Variants in GRIN2A observed in about 807,000 individuals in gnomAD.
GRIN2A encodes glutamate receptor ionotropic, NMDA 2A.
GRIN2A carries 22 observed loss-of-function variants against 113.4 expected under a neutral mutation model. That is an observed-to-expected ratio of 0.19 (90% CI 0.14 to 0.28). GRIN2A has a LOEUF of 0.28. Ranked by LOEUF, GRIN2A falls within the 10% of genes least tolerant of loss-of-function variation. GRIN2A has a pLI of 1.00. For missense variants in GRIN2A, 1,502 were observed against 1,887.0 expected (o/e 0.80, Z 3.78); for synonymous variants, 827 against 738.4 (o/e 1.12, Z -1.94).
At chr16:10,154,921 T>C (rs2049657431) in intron 2 of GRIN2A, among the ~76,000 whole-genome samples, 1 of 152,176 alleles carries the variant, frequency 6.6e-6, no homozygotes, top group African/African-American at 2.4e-5. Flanking sequence ...ACAAGTGTTG[T>C]ATAAAAAACA....
At chr16:10,071,885 G>A (rs1402787457) in intron 2 of GRIN2A, among the ~76,000 whole-genome samples, 2 of 152,216 alleles carry the variant, frequency 1.3e-5, no homozygotes, top group Non-Finnish European at 2.9e-5. Context: ...TATAGGTACA[G>A]TACTTTTGTT....
chr16:9,992,265 C>T (rs2046131260), intron 2 of GRIN2A, among the ~76,000 whole-genome samples: 1 of 152,042 alleles, frequency 6.6e-6, no homozygotes, highest in South Asian at 2.1e-4. Context: ...AAGAAGCCTT[C>T]TCAGAGGATA....
In GRIN2A at chr16:9,990,561, GCGCACA is replaced by G. The variant is rs1316144343; in HGVS notation, c.415-52016_415-52011del. Among the ~76,000 whole-genome samples, 1,115 of 128,712 alleles carry G rather than the reference GCGCACA, an allele frequency of 8.7e-3. 16 individuals carry two copies. The highest frequency in any genetic ancestry group is 0.024 in the African/African-American group (866 of 36,094). The allele number at this position is 128,712 out of a possible 152,430, so 84.4% of individuals were successfully genotyped here. On this transcript the variant is annotated intron_variant, in intron 2 of 12. Coordinates refer to ENST00000330684, the MANE Select transcript of GRIN2A (RefSeq NM_001134407.3). ...TCTCTCTACACGCGCGCGCGCGCGC[GCGCACA>G]CACACACACACACACACACACACAC...
rs1596345068 is a variant in GRIN2A at position 9,938,555 on chromosome 16, C to A, written c.415-4G>T. On this transcript the variant is annotated splice_polypyrimidine_tract_variant and splice_region_variant and intron_variant, in intron 2 of 12. Transcript: ENST00000330684. ...GGAAGAAGGTAGACGTCGGATCCTG[C>A]CAGTGAAAAGAAAGTAAAACAGAGG... The A allele has an allele frequency of 1.3e-6, 2 of 1,599,456 alleles. No individual in the cohort carries two copies. The highest frequency in any genetic ancestry group is 1.7e-6 in the Non-Finnish European group (2 of 1,177,908).
intron 3 of GRIN2A, among the ~76,000 whole-genome samples, chr16:9,918,889 TTGGAGCGGCGCGG>T (rs2044305411): frequency 6.6e-6 from 1 of 151,690 alleles, no homozygotes; most frequent in Non-Finnish European, 1.5e-5. Context: ...ATGTCTGAAA[TTGGAGCGGCGCGG>T]TGGCTCATGC....
chr16:9,776,656 T>C (rs1046163504), intron 11 of GRIN2A, among the ~76,000 whole-genome samples: 2 of 152,048 alleles, frequency 1.3e-5, no homozygotes, highest in African/African-American at 4.8e-5. Context: ...CAGACTTCCA[T>C]CTATAGCTGA....
At chr16:10,116,581 G>T (rs188855479) in intron 2 of GRIN2A, among the ~76,000 whole-genome samples, 1 of 152,312 alleles carries the variant, frequency 6.6e-6, no homozygotes, top group East Asian at 1.9e-4. Context: ...GCAAGAAACT[G>T]GGGGGACATG....
intron 2 of GRIN2A, among the ~76,000 whole-genome samples, chr16:10,146,149 G>T (rs991991562): frequency 6.6e-6 from 1 of 151,958 alleles, no homozygotes; most frequent in Non-Finnish European, 1.5e-5. Context: ...ATGGAGTCTC[G>T]CTCTGTCGCC....
At chr16:9,890,373 T>C (rs925560396) in intron 4 of GRIN2A, among the ~76,000 whole-genome samples, 3 of 152,206 alleles carry the variant, frequency 2.0e-5, no homozygotes, top group Admixed American at 2.0e-4. Context: ...GTGACATCTC[T>C]CCTCTCTGAC....
intron 3 of GRIN2A, among the ~76,000 whole-genome samples, chr16:9,927,756 G>T (rs909018949): frequency 1.1e-4 from 17 of 152,122 alleles, no homozygotes; most frequent in African/African-American, 3.6e-4. Context: ...TATGAAACTT[G>T]AAGTTTCCCC....
chr16:9,988,308 T>TGTGTGA (rs1395076166), intron 2 of GRIN2A, among the ~76,000 whole-genome samples: 13 of 150,728 alleles, frequency 8.6e-5, no homozygotes, highest in East Asian at 1.9e-4. Context: ...TGTGTGTGTG[T>TGTGTGA]GACACAGAAA....
intron 3 of GRIN2A, among the ~76,000 whole-genome samples, chr16:9,923,591 T>C (rs1211045689): frequency 6.6e-6 from 1 of 152,120 alleles, no homozygotes; most frequent in African/African-American, 2.4e-5. Flanking sequence ...TTAATGTTAG[T>C]GGTTTGTTTA....
At chr16:9,934,678 TAAAAAAAAAA>T (rs33916243) in intron 3 of GRIN2A, among the ~76,000 whole-genome samples, 3 of 50,942 alleles carry the variant, frequency 5.9e-5, no homozygotes, top group Admixed American at 5.9e-4. Flanking sequence ...AGACTCTGTC[TAAAAAAAAAA>T]AAAAAAAAAA....
At chr16:10,066,685 G>A (rs2047654688) in intron 2 of GRIN2A, among the ~76,000 whole-genome samples, 2 of 152,254 alleles carry the variant, frequency 1.3e-5, no homozygotes, top group African/African-American at 4.8e-5. Flanking sequence ...GCCCCTCCCA[G>A]TGTTTGCTAA....
Position 9,978,951 on chromosome 16 carries a change from G to C in GRIN2A, c.415-40400C>G, listed in dbSNP as rs763809040. ...GACACTTCTAAGACATTAAAAAGTA[G>C]TGCCCACATTTCCGACTCCCACAAC... On this transcript the variant is annotated intron_variant, in intron 2 of 12. Transcript: ENST00000330684. Among the ~76,000 whole-genome samples, 4 of 152,172 alleles carry C rather than the reference G, an allele frequency of 2.6e-5. No homozygotes were observed. The East Asian group carries it at 5.8e-4, about 22-fold the overall frequency.
intron 3 of GRIN2A, among the ~76,000 whole-genome samples, chr16:9,903,823 T>C (rs184805648): frequency 5.3e-5 from 8 of 152,348 alleles, no homozygotes; most frequent in East Asian, 1.9e-4. Flanking sequence ...GAAGACCCTT[T>C]ACTACCATTT....
intron 2 of GRIN2A, among the ~76,000 whole-genome samples, chr16:10,178,253 T>G (rs2050190913): frequency 6.6e-6 from 1 of 152,212 alleles, no homozygotes; most frequent in Non-Finnish European, 1.5e-5. Flanking sequence ...CTGTGATTCA[T>G]CATAGCTCTC....
chr16:9,789,930 G>C (rs1902502880), intron 11 of GRIN2A, among the ~76,000 whole-genome samples: 1 of 152,212 alleles, frequency 6.6e-6, no homozygotes. Flanking sequence ...AACAGGGCTG[G>C]TTTGTCAAAG....
At chr16:9,912,953 A>G (rs538770807) in intron 3 of GRIN2A, among the ~76,000 whole-genome samples, 3 of 152,360 alleles carry the variant, frequency 2.0e-5, no homozygotes, top group South Asian at 2.1e-4. Context: ...AAGGTTATCT[A>G]TCTAAACCAA....
Sources: gnomAD v4.1 joint callset for allele counts (sites outside exome capture counted in the v4.1 genomes callset) on GRCh38, gnomAD v4.1.1 for gene constraint, MANE v1.5 for transcripts, NCBI Gene and HGNC (gene_info 2026-07-23, HGNC 2026-07-21) for gene names.